The following NSUN6 variants were observed in gnomAD, a reference collection of about 807,000 sequenced individuals.
The protein encoded by NSUN6 is NOP2/Sun RNA methyltransferase 6, also known as tRNA (cytosine(72)-C(5))-methyltransferase NSUN6.
In NSUN6, 64 loss-of-function variants were observed where a neutral mutation model predicts 58.0. The observed-to-expected ratio is 1.10, with a 90% confidence interval of 0.90 to 1.36. The LOEUF (loss-of-function observed/expected upper bound fraction) is 1.36. Among genes scored for constraint, NSUN6 ranks in the 40% most tolerant of loss-of-function variants. NSUN6 has a pLI of 0.00. For synonymous variants in NSUN6, 231 were observed against 193.9 expected (o/e 1.19, Z -1.59); for missense variants, 701 against 550.1 (o/e 1.27, Z -2.74).
chr10:18,593,106 A>G (rs990343042), intron 7 of NSUN6, among the ~76,000 whole-genome samples: 3 of 152,242 alleles, frequency 2.0e-5, no homozygotes, highest in African/African-American at 4.8e-5. Context: ...TATGAAAAAA[A>G]GCTCGTCATC....
At chr10:18,645,231 G>A (rs900368553) in intron 2 of NSUN6, among the ~76,000 whole-genome samples, 2 of 146,334 alleles carry the variant, frequency 1.4e-5, no homozygotes, top group African/African-American at 5.0e-5. Context: ...AGTCAGGAAT[G>A]ATAGTGATGT....
Position 18,545,945 on chromosome 10 carries a change from G to T in NSUN6, c.1398C>A (p.Cys466Ter). Residue 466 changes from cysteine (C) to a stop codon, truncating the protein, a stop_gained, in exon 11 of 11, where the codon TGC becomes TGA. Transcript: ENST00000377304. LOFTEE classifies it high-confidence loss of function. The stretch of plus-strand genomic sequence containing the variant: ...ATCCATCCCTCTCCTATGTGCTTTT[G>T]CATTTTACAAATTTTGCAATAAAAA... Reference protein sequence around the residue: ...IGFFIAKFVKCKST With the variant: ...IGFFIAKFVK The T allele has an allele frequency of 6.4e-7, 1 of 1,564,632 alleles. No homozygotes were observed. The highest frequency in any genetic ancestry group is 8.7e-7 in the Non-Finnish European group (1 of 1,152,862).
intron 7 of NSUN6, among the ~76,000 whole-genome samples, 190 bp downstream of exon 7, chr10:18,596,018 G>A (rs754795486): frequency 7.9e-5 from 12 of 152,150 alleles, no homozygotes; most frequent in Non-Finnish European, 1.3e-4. Flanking sequence ...ATTCAAGACG[G>A]TCTTGAGACA....
Position 18,585,999 on chromosome 10 carries a change from C to T in NSUN6, c.872G>A (p.Cys291Tyr). ...LLGLNSIRAFCFDGTKAVKLD... is the reference protein window; with the variant it reads ...LLGLNSIRAFYFDGTKAVKLD... ...TTTAACCGCCTTTGTTCCATCAAAA[C>T]AAAATGCCCTGATGGAATTCAGCCC... is the stretch of plus-strand genomic sequence containing the variant. Residue 291 changes from cysteine to tyrosine, a missense_variant, in exon 8 of 11, where the codon TGT (cysteine) becomes TAT (tyrosine). Cys to Tyr is a radical substitution (Grantham distance 194, BLOSUM62 -2). Transcript: ENST00000377304. 1 of 1,611,492 alleles carries T rather than the reference C, an allele frequency of 6.2e-7. No individual in the cohort carries two copies. The highest frequency in any genetic ancestry group is 8.5e-7 in the Non-Finnish European group (1 of 1,179,334).
Position 18,546,111 on chromosome 10 carries a change from G to C in NSUN6, c.1232C>G (p.Ala411Gly), listed in dbSNP as rs2054241723. The C allele has an allele frequency of 2.2e-5, 36 of 1,613,332 alleles. No homozygotes were observed. Among genetic ancestry groups the C allele is most frequent in the Non-Finnish European group, 2.9e-5 (34 of 1,179,616 alleles). The change falls in exon 11 of 11, where the codon GCT (alanine) becomes GGT (glycine). Residue 411 changes from alanine to glycine, a missense_variant. By Grantham distance (60) the Ala-to-Gly change is moderately conservative. Transcript: ENST00000377304. ...TTTCAACTGTTCACATGAGAGCCCA[G>C]CTCCCCTCATTCCTTCTCCTCCAAT... ...PQIGGEGMRGAGLSCEQLKQL... is the reference protein window; with the variant it reads ...PQIGGEGMRGGGLSCEQLKQL...
chr10:18,628,124 G>T (rs1338463793), intron 3 of NSUN6, among the ~76,000 whole-genome samples: 1 of 152,206 alleles, frequency 6.6e-6, no homozygotes, highest in African/African-American at 2.4e-5. Context: ...CTAACTGGGA[G>T]GCACCCCCAA....
At chr10:18,649,844 G>C (rs994452180) in intron 1 of NSUN6, among the ~76,000 whole-genome samples, 2 of 151,978 alleles carry the variant, frequency 1.3e-5, no homozygotes, top group East Asian at 3.8e-4. Flanking sequence ...CCTAATATGT[G>C]CCTTATATTT....
intron 6 of NSUN6, among the ~76,000 whole-genome samples, chr10:18,606,184 A>G (rs2058041457): frequency 1.3e-5 from 2 of 152,182 alleles, no homozygotes; most frequent in Admixed American, 1.3e-4. Context: ...AATACACTTA[A>G]AAGTGCAAAA....
intron 8 of NSUN6, among the ~76,000 whole-genome samples, chr10:18,582,374 A>C (rs2056942929): frequency 6.6e-6 from 1 of 152,180 alleles, no homozygotes; most frequent in South Asian, 2.1e-4. Flanking sequence ...TTTGAACAGA[A>C]GGTGTGGAAT....
intron 6 of NSUN6, among the ~76,000 whole-genome samples, chr10:18,607,076 A>G (rs1465577746): frequency 1.3e-5 from 2 of 152,246 alleles, no homozygotes; most frequent in Admixed American, 6.5e-5. Flanking sequence ...TTATTAAAGT[A>G]TCAGCATCTA....
chr10:18,639,922 T>A (rs1280130975), intron 3 of NSUN6, among the ~76,000 whole-genome samples: 1 of 152,252 alleles, frequency 6.6e-6, no homozygotes, highest in Non-Finnish European at 1.5e-5. Context: ...CTGGTTATTC[T>A]GTGTCATATC....
chr10:18,614,118 A>G (rs1204512003), intron 5 of NSUN6, among the ~76,000 whole-genome samples: 1 of 152,150 alleles, frequency 6.6e-6, no homozygotes, highest in Non-Finnish European at 1.5e-5. Context: ...ACAAATAAGA[A>G]CGTTAAAAAT....
intron 3 of NSUN6, among the ~76,000 whole-genome samples, chr10:18,627,722 A>AC (rs2058867909): frequency 6.6e-6 from 1 of 152,244 alleles, no homozygotes; most frequent in African/African-American, 2.4e-5. Context: ...AAACCGGAGC[A>AC]CCAGGAGACT....
intron 3 of NSUN6, among the ~76,000 whole-genome samples, chr10:18,617,690 C>T (rs546760594): frequency 1.3e-5 from 2 of 152,214 alleles, no homozygotes; most frequent in South Asian, 4.2e-4. Flanking sequence ...AAACTAGATG[C>T]CTCAGTGTTA....
intron 3 of NSUN6, among the ~76,000 whole-genome samples, chr10:18,628,798 G>A (rs181035546): frequency 9.2e-5 from 14 of 152,278 alleles, no homozygotes; most frequent in African/African-American, 1.7e-4. Flanking sequence ...AGAAAGTGAC[G>A]GGGAGAATGG....
At chr10:18,554,412 A>T (rs549231535) in intron 8 of NSUN6, among the ~76,000 whole-genome samples, 1 of 150,348 alleles carries the variant, frequency 6.7e-6, no homozygotes, top group African/African-American at 2.4e-5. Context: ...AGAATGGAAT[A>T]GAGAATGGAA....
At chr10:18,591,922 C>G (rs184078479) in intron 7 of NSUN6, among the ~76,000 whole-genome samples, 53 of 152,226 alleles carry the variant, frequency 3.5e-4, no homozygotes, top group African/African-American at 1.2e-3. Flanking sequence ...GAGAGGAAGT[C>G]AAGTTGTCTC....
chr10:18,619,645 C>T lies in NSUN6; in HGVS notation c.312-3352G>A, dbSNP rs192863938. ...ATGTTCTTTTTTACTTAGCACTCCT[C>T]GGTGTATGTAGCAAAAACATCTTCA... On this transcript the variant is annotated intron_variant, in intron 3 of 10. Transcript: ENST00000377304. 1.5e-3 allele frequency among the ~76,000 whole-genome samples: 225 copies of T among 152,282 alleles called. 2 individuals carry two copies. The highest frequency in any genetic ancestry group is 6.8e-3 in the Middle Eastern group (2 of 294).
At chr10:18,548,042 C>A in intron 10 of NSUN6, 70 bp downstream of exon 10, 2 of 1,456,680 alleles carry the variant, frequency 1.4e-6, no homozygotes, top group Admixed American at 3.8e-5. Flanking sequence ...TCGTTAACAC[C>A]CTGATTACCA....
Sources: allele counts gnomAD v4.1 joint callset (sites outside exome capture counted in the v4.1 genomes callset), GRCh38; gene constraint gnomAD v4.1.1; transcripts MANE v1.5; gene names NCBI Gene and HGNC (gene_info 2026-07-23, HGNC 2026-07-21).